The following DNAH10 variants were observed in gnomAD, a reference collection of about 807,000 sequenced individuals.
DNAH10 encodes axonemal beta dynein heavy chain 10.
A neutral mutation model predicts 506.6 loss-of-function variants in DNAH10; 348 were observed. The observed-to-expected ratio is 0.69, with a 90% CI of 0.63 to 0.75. The LOEUF (loss-of-function observed/expected upper bound fraction) is 0.75. Among genes scored for constraint, DNAH10 ranks in the 30% least tolerant of loss-of-function variants. The probability of loss-of-function intolerance (pLI) is 0.00; values close to 1 mark genes in which losing one functional copy is unlikely to be tolerated. For synonymous variants in DNAH10, 2,059 were observed against 2,198.6 expected (o/e 0.94, Z 1.78); for missense variants, 5,179 against 5,787.1 (o/e 0.89, Z 3.41).
intron 1 of DNAH10, among the ~76,000 whole-genome samples, chr12:123,766,913 T>C (rs951355160): frequency 4.0e-5 from 6 of 150,914 alleles, no homozygotes; most frequent in African/African-American, 1.2e-4. Context: ...TTTTTCTTTT[T>C]TTTTTTTTTT....
At chr12:123,908,686 A>T in intron 57 of DNAH10, 1 of 406,040 alleles carries the variant, frequency 2.5e-6, no homozygotes. Context: ...GAGCAGAGTG[A>T]TGATCTAGTC....
chr12:123,912,845 C>T (rs180770560), intron 59 of DNAH10, among the ~76,000 whole-genome samples: 2 of 152,280 alleles, frequency 1.3e-5, no homozygotes, highest in East Asian at 1.9e-4. Context: ...TGTCATCTTA[C>T]GGAGACCTCA....
At position 123,785,914 on chromosome 12, in the gene DNAH10, G is replaced by A. The variant is rs747469941; in HGVS notation, c.1399G>A (p.Val467Ile). ...WEIAERVCRVVNLRTLFKENR... is the reference protein window; with the variant it reads ...WEIAERVCRVINLRTLFKENR... ...AATCGCTGAGAGAGTCTGCCGAGTG[G>A]TCAACCTGCGGACTTTGTTCAAGTA... The change falls in exon 9 of 79, where the codon GTC becomes ATC. Residue 467 changes from valine to isoleucine, a missense_variant. This residue lies in a region of DNAH10 where 4,844 missense variants were observed against 5,430.5 expected (regional missense o/e 0.89). Transcript: ENST00000673944. The surrounding 1 kb of genome is among the most constrained non-coding windows in gnomAD (Gnocchi z 4.1). 22 of 1,613,124 alleles carry A rather than the reference G, an allele frequency of 1.4e-5. No individual in the cohort carries two copies. The highest frequency in any genetic ancestry group is 1.7e-4 in the Middle Eastern group (1 of 6,058).
intron 47 of DNAH10, among the ~76,000 whole-genome samples, chr12:123,876,025 A>G (rs988420419): frequency 6.6e-6 from 1 of 152,230 alleles, no homozygotes; most frequent in Admixed American, 6.5e-5. Context: ...TGTTATTATT[A>G]TGATTTACTT....
Position 123,931,957 on chromosome 12 carries a change from T to G in DNAH10, c.13145T>G (p.Val4382Gly), listed in dbSNP as rs768849571. Residue 4382 changes from valine (V) to glycine (G), a missense_variant, in exon 76 of 79, where the codon GTT becomes GGT. Val to Gly is a moderately radical substitution (Grantham distance 109, BLOSUM62 -3). Around this residue, in one of 3 missense-constraint regions of DNAH10, gnomAD observed 4,844 missense variants for 5,430.5 expected, o/e 0.89. Transcript: ENST00000673944. Reference sequence around the variant, plus strand: ...TCTAAATAGGCCTTGGCTGGAGAAGTTGGAATGAGCAATGAGTTAGATGAT... The same window carrying G: ...TCTAAATAGGCCTTGGCTGGAGAAGGTGGAATGAGCAATGAGTTAGATGAT... The part of the protein sequence containing the change: ...AELQRALAGE[V>G]GMSNELDDVA... 1.1e-5 allele frequency: 17 copies of G among 1,613,872 alleles called. No individual in the cohort carries two copies. The highest frequency in any genetic ancestry group is 1.4e-5 in the Non-Finnish European group (16 of 1,179,900).
At chr12:123,915,951 A>C (rs1193029172) in intron 62 of DNAH10, among the ~76,000 whole-genome samples, 1 of 150,298 alleles carries the variant, frequency 6.7e-6, no homozygotes, top group Non-Finnish European at 1.5e-5. Context: ...AATTATTTTC[A>C]ATTTAGCTTT....
Position 123,914,287 on chromosome 12 carries a change from A to G in DNAH10, c.10353-42A>G, listed in dbSNP as rs770918566. 19 of 1,559,850 alleles carry G rather than the reference A, an allele frequency of 1.2e-5. No homozygotes were observed. The East Asian group carries it at 2.7e-4, about 22-fold the overall frequency. ...TGGAATGTTCCTTTTGGTTGTGGCC[A>G]GAAGGTAAACTCACGGCAGCCTCCC... On this transcript the variant is annotated intron_variant, in intron 60 of 78. Coordinates refer to ENST00000673944, the MANE Select transcript of DNAH10 (RefSeq NM_001372106.1).
Position 123,887,279 on chromosome 12 carries a change from C to G in DNAH10, c.8961C>G (p.Gly2987=), listed in dbSNP as rs749107405. ...LFTDAHVAEE[G]FLELINNMLT... ...CGGATGCCCATGTGGCTGAGGAGGG[C>G]TTCCTGGAGCTCATCAACAACATGC... Residue 2987 remains glycine, a synonymous_variant, in exon 52 of 79, where the codon GGC becomes GGG. Coordinates refer to ENST00000673944, the MANE Select transcript of DNAH10 (RefSeq NM_001372106.1). The G allele has an allele frequency of 5.6e-6, 9 of 1,613,886 alleles. No individual in the cohort carries two copies. Among genetic ancestry groups the G allele is most frequent in the Non-Finnish European group, 7.6e-6 (9 of 1,179,838 alleles).
chr12:123,889,306 G>C (rs987206003), intron 52 of DNAH10, among the ~76,000 whole-genome samples: 1 of 152,196 alleles, frequency 6.6e-6, no homozygotes, highest in Non-Finnish European at 1.5e-5. Context: ...ACAGGGAAAC[G>C]CACAACATTT....
intron 52 of DNAH10, among the ~76,000 whole-genome samples, chr12:123,889,265 T>G (rs954121002): frequency 2.0e-5 from 3 of 152,254 alleles, no homozygotes; most frequent in Non-Finnish European, 4.4e-5. Context: ...CAAGTTTTGT[T>G]TAGTGTTTTC....
chr12:123,781,800 G>C (rs956968151), intron 6 of DNAH10, among the ~76,000 whole-genome samples: 1 of 152,022 alleles, frequency 6.6e-6, no homozygotes, highest in African/African-American at 2.4e-5. Flanking sequence ...TTTCTTCATT[G>C]TTTTCTAGTA....
chr12:123,785,533 G>A lies in DNAH10; in HGVS notation c.1231-213G>A, dbSNP rs1258768831. Among the ~76,000 whole-genome samples, 4 of 151,956 alleles carry A rather than the reference G, an allele frequency of 2.6e-5. No individual in the cohort carries two copies. Among genetic ancestry groups the A allele is most frequent in the Admixed American group, 6.6e-5 (1 of 15,254 alleles). ...GCCTGTATTCTCAGCTTACTTGGGA[G>A]GCTGAGGTGGGAGGATCACTTGAGT... On this transcript the variant is annotated intron_variant, in intron 8 of 78. Coordinates refer to ENST00000673944, the MANE Select transcript of DNAH10 (RefSeq NM_001372106.1). The surrounding 1 kb of genome is among the most constrained non-coding windows in gnomAD (Gnocchi z 4.1).
At position 123,935,392 on chromosome 12, in the gene DNAH10, G is replaced by A. The variant is rs748576395; in HGVS notation, c.13681G>A (p.Gly4561Ser). The stretch of plus-strand genomic sequence containing the variant: ...CATGAGAAGGAACGCCATGGGAGTC[G>A]GCTTGGTTTTTGAAGCTGATCTCTT... ...TSMRRNAMGV[G>S]LVFEADLFTT... Residue 4561 changes from glycine to serine, a missense_variant, in exon 79 of 79, where the codon GGC becomes AGC. By Grantham distance (56) the Gly-to-Ser change is moderately conservative (BLOSUM62 0). Coordinates refer to ENST00000673944, the MANE Select transcript of DNAH10 (RefSeq NM_001372106.1). 22 of 1,611,896 alleles carry A rather than the reference G, an allele frequency of 1.4e-5. No homozygotes were observed. In the South Asian group the frequency reaches 1.6e-4, roughly 12 times the overall value.
Position 123,850,915 on chromosome 12 carries a change from TC to T in DNAH10, c.6133del (p.Arg2045AlafsTer8). The T allele has an allele frequency of 6.2e-7, 1 of 1,613,284 alleles. No homozygotes were observed. Among genetic ancestry groups the T allele is most frequent in the Non-Finnish European group, 8.5e-7 (1 of 1,179,514 alleles). Reference protein sequence around the residue: ...QFEGQEISLDSRMGIFITMNP... With the variant: ...QFEGQEISLDXRMGIFITMNP... ...TGAAGGGCAGGAGATTTCCCTGGAC[TC>T]CCGCATGGGCATCTTCATCACCATG... On this transcript the variant is annotated frameshift_variant, in exon 35 of 79. Coordinates refer to ENST00000673944, the MANE Select transcript of DNAH10 (RefSeq NM_001372106.1). LOFTEE classifies it high-confidence loss of function. The surrounding 1 kb of genome is among the most constrained non-coding windows in gnomAD (Gnocchi z 5.5).
intron 28 of DNAH10, among the ~76,000 whole-genome samples, chr12:123,836,901 G>A (rs1222851338): frequency 6.6e-6 from 1 of 151,044 alleles, no homozygotes; most frequent in Non-Finnish European, 1.5e-5. Flanking sequence ...CGCCCAGGCT[G>A]GAGTGCAGTG....
At chr12:123,803,946 A>G in intron 17 of DNAH10, 121 bp downstream of exon 17, 1 of 945,134 alleles carries the variant, frequency 1.1e-6, no homozygotes. Flanking sequence ...CATGAATGGC[A>G]TCAAACCATT....
chr12:123,800,024 G>A (rs1167193928), intron 14 of DNAH10, among the ~76,000 whole-genome samples, 192 bp from the exon 15 acceptor site: 1 of 152,144 alleles, frequency 6.6e-6, no homozygotes, highest in Non-Finnish European at 1.5e-5. Context: ...TTCAAATGCC[G>A]GCAACTGAAT....
At chr12:123,765,958 C>A (rs1957029155) in intron 1 of DNAH10, among the ~76,000 whole-genome samples, 1 of 151,906 alleles carries the variant, frequency 6.6e-6, no homozygotes, top group Non-Finnish European at 1.5e-5. Context: ...TGTCTGTCTA[C>A]CTATCACTTA....
At position 123,785,120 on chromosome 12, in the gene DNAH10, G is replaced by A. The variant is rs1957799675; in HGVS notation, c.1231-626G>A. Among the ~76,000 whole-genome samples the A allele has an allele frequency of 6.6e-6, 1 of 152,170 alleles. No homozygotes were observed. Among genetic ancestry groups the A allele is most frequent in the Non-Finnish European group, 1.5e-5 (1 of 68,030 alleles). ...TTATGCATAGGAGTGGAATAGCTGG[G>A]TCATATATGGTAACTGTTTAACCTC... On this transcript the variant is annotated intron_variant, in intron 8 of 78. Transcript: ENST00000673944. This position sits in a 1 kb window ranked among gnomAD's most constrained non-coding sequence, Gnocchi z 4.1.
Sources: allele counts gnomAD v4.1 joint callset (sites outside exome capture counted in the v4.1 genomes callset), GRCh38; gene constraint gnomAD v4.1.1; regional missense constraint gnomAD v4.1.1; non-coding constraint Gnocchi (gnomAD v3.1); transcripts MANE v1.5; gene names NCBI Gene and HGNC (gene_info 2026-07-23, HGNC 2026-07-21).